The following PLCL1 variants were observed in gnomAD, a reference collection of about 807,000 sequenced individuals.
PLCL1 encodes phospholipase C like 1 (inactive), also known as inactive phospholipase C-like protein 1.
Under a neutral mutation model 84.4 loss-of-function variants are expected in PLCL1, and 41 were observed. That is an observed-to-expected ratio of 0.49 (90% CI 0.38 to 0.63). The LOEUF is 0.63. Ranked by LOEUF, PLCL1 falls within the 30% of genes least tolerant of loss-of-function variation. PLCL1 has a pLI of 0.00. For missense variants in PLCL1, 1,206 were observed against 1,367.8 expected (o/e 0.88, Z 1.87); for synonymous variants, 490 against 488.3 (o/e 1.00, Z -0.05).
At chr2:197,919,695 G>C (rs1688668569) in intron 1 of PLCL1, among the ~76,000 whole-genome samples, 1 of 152,158 alleles carries the variant, frequency 6.6e-6, no homozygotes, top group African/African-American at 2.4e-5. Flanking sequence ...ACATTTTAAG[G>C]GCTGGTACAA....
At chr2:198,060,223 G>T (rs1471250405) in intron 1 of PLCL1, among the ~76,000 whole-genome samples, 2 of 152,196 alleles carry the variant, frequency 1.3e-5, no homozygotes, top group African/African-American at 4.8e-5. Context: ...TTCATTTCCT[G>T]CCATCTTCAC....
At chr2:198,035,705 T>G (rs533028920) in intron 1 of PLCL1, among the ~76,000 whole-genome samples, 25 of 152,324 alleles carry the variant, frequency 1.6e-4, no homozygotes, top group Non-Finnish European at 3.5e-4. Flanking sequence ...AAATGGAAAG[T>G]TAGTTATTCA....
At chr2:197,948,894 G>C (rs1374391627) in intron 1 of PLCL1, among the ~76,000 whole-genome samples, 1 of 152,144 alleles carries the variant, frequency 6.6e-6, no homozygotes, top group Non-Finnish European at 1.5e-5. Context: ...CAGTAAATAG[G>C]ATCTAAGACC....
At position 197,919,233 on chromosome 2, in the gene PLCL1, T is replaced by C. The variant is rs151297977; in HGVS notation, c.240+113894T>C. Among the ~76,000 whole-genome samples the C allele has an allele frequency of 4.4e-3, 667 of 152,308 alleles. 5 individuals are homozygous for C. The highest frequency in any genetic ancestry group is 0.015 in the African/African-American group (639 of 41,556). On this transcript the variant is annotated intron_variant, in intron 1 of 5. Transcript: ENST00000428675. ...TCCACTGGACAGGACATAATGTGCA[T>C]GTCTATAGACAAGAATTGTTTTGTA...
intron 1 of PLCL1, among the ~76,000 whole-genome samples, chr2:197,973,337 C>G (rs1689907106): frequency 6.6e-6 from 1 of 152,116 alleles, no homozygotes; most frequent in African/African-American, 2.4e-5. Flanking sequence ...AAGGTGAATT[C>G]TAGGAGATCT....
At chr2:197,937,406 G>C (rs537900149) in intron 1 of PLCL1, among the ~76,000 whole-genome samples, 2 of 152,246 alleles carry the variant, frequency 1.3e-5, no homozygotes, top group East Asian at 3.9e-4. Context: ...CAATCTATGC[G>C]CATGGATAAT....
At position 197,805,438 on chromosome 2, in the gene PLCL1, C is replaced by T. The variant is rs1690452828; in HGVS notation, c.240+99C>T. 2.7e-6 allele frequency: 3 copies of T among 1,115,230 alleles called. No individual in the cohort carries two copies. The South Asian group carries it at 1.1e-4, about 40-fold the overall frequency. 69.1% of individuals were successfully genotyped at this position (1,115,230 alleles called of 1,614,324 possible). On this transcript the variant is annotated intron_variant, in intron 1 of 5. Coordinates refer to ENST00000428675, the MANE Select transcript of PLCL1 (RefSeq NM_006226.4). This position sits in a 1 kb window ranked among gnomAD's most constrained non-coding sequence, Gnocchi z 4.0. ...GGTGTCCGGAGGCATCCGGGCTCAG[C>T]ATTGTTTTCTCCCACCTCCTTCAAC...
At chr2:198,020,656 A>G (rs1477837085) in intron 1 of PLCL1, among the ~76,000 whole-genome samples, 3 of 152,364 alleles carry the variant, frequency 2.0e-5, no homozygotes, top group African/African-American at 2.4e-5. Flanking sequence ...AAAGAAGGGC[A>G]TTACATAATG....
At chr2:198,123,218 T>A (rs986533432) in intron 5 of PLCL1, among the ~76,000 whole-genome samples, 14 of 152,090 alleles carry the variant, frequency 9.2e-5, no homozygotes, top group African/African-American at 3.4e-4. Context: ...AGGCAAACTA[T>A]CCCTCAATTT....
chr2:198,092,350 C>T (rs147484105), intron 3 of PLCL1, among the ~76,000 whole-genome samples: 62 of 152,326 alleles, frequency 4.1e-4, no homozygotes, highest in Non-Finnish European at 7.6e-4. Flanking sequence ...TCTCTTCCAG[C>T]CACACTGGCT....
At chr2:198,028,636 A>G (rs369506600) in intron 1 of PLCL1, among the ~76,000 whole-genome samples, 2 of 152,214 alleles carry the variant, frequency 1.3e-5, no homozygotes, top group East Asian at 1.9e-4. Context: ...GATCACGGTC[A>G]TATTTTTTGT....
At chr2:197,866,726 G>T (rs1420068731) in intron 1 of PLCL1, among the ~76,000 whole-genome samples, 3 of 152,130 alleles carry the variant, frequency 2.0e-5, no homozygotes, top group Non-Finnish European at 2.9e-5. Flanking sequence ...AGGGAATTCA[G>T]CTCCAAGCAC....
chr2:198,100,338 AAAAT>A (rs1208533480), intron 3 of PLCL1, among the ~76,000 whole-genome samples: 1 of 152,112 alleles, frequency 6.6e-6, no homozygotes, highest in East Asian at 1.9e-4. Context: ...CAGATTTAAA[AAAAT>A]AGAATGTTTT....
chr2:197,923,914 G>A (rs1485816411), intron 1 of PLCL1, among the ~76,000 whole-genome samples: 1 of 151,584 alleles, frequency 6.6e-6, no homozygotes, highest in Non-Finnish European at 1.5e-5. Context: ...CCGGCACCTC[G>A]GGAGGCCAAG....
At chr2:197,885,875 A>C (rs1368765345) in intron 1 of PLCL1, among the ~76,000 whole-genome samples, 1 of 152,226 alleles carries the variant, frequency 6.6e-6, no homozygotes, top group Non-Finnish European at 1.5e-5. Flanking sequence ...GAATGCATGC[A>C]TTGGCTAAAA....
intron 1 of PLCL1, among the ~76,000 whole-genome samples, chr2:197,897,143 T>C (rs1000635478): frequency 1.0e-3 from 32 of 30,856 alleles, no homozygotes; most frequent in South Asian, 7.7e-3. Flanking sequence ...TTCTTCTTCT[T>C]CTTCTTCTTC....
In PLCL1 at chr2:198,147,248, A is replaced by AAG. The variant is rs149667225; in HGVS notation, c.*302_*303dup. ...TGTGTGTGTGTGGCAGAGAGAGAGA[A>AAG]AGAGAGAGAGAGAGAGAAATTCTGT... is the stretch of plus-strand genomic sequence containing the variant. On this transcript the variant is annotated 3_prime_UTR_variant, in exon 6 of 6. Transcript: ENST00000428675. The AAG allele has an allele frequency of 3.0e-5, 5 of 164,302 alleles. No individual in the cohort carries two copies. The highest frequency in any genetic ancestry group is 4.7e-5 in the Non-Finnish European group (4 of 85,918). The allele number at this position is 164,302 out of a possible 1,614,324, so 10.2% of individuals were successfully genotyped here. A position where few individuals can be genotyped will look rare whatever the true frequency, so the allele number is the denominator to read the frequency against.
intron 1 of PLCL1, among the ~76,000 whole-genome samples, chr2:197,876,531 G>T (rs549763697): frequency 6.6e-6 from 1 of 152,014 alleles, no homozygotes; most frequent in East Asian, 1.9e-4. Context: ...AATTTCCAGA[G>T]ATGGCAACTG....
intron 1 of PLCL1, among the ~76,000 whole-genome samples, chr2:197,938,802 G>A (rs1039267490): frequency 2.6e-5 from 4 of 152,144 alleles, no homozygotes; most frequent in African/African-American, 7.2e-5. Flanking sequence ...GAAAGATAAT[G>A]CATAGCTGTT....
Sources: allele counts gnomAD v4.1 joint callset (sites outside exome capture counted in the v4.1 genomes callset), GRCh38; gene constraint gnomAD v4.1.1; non-coding constraint Gnocchi (gnomAD v3.1); transcripts MANE v1.5; gene names NCBI Gene and HGNC (gene_info 2026-07-23, HGNC 2026-07-21).